Variants in ADGRF5 observed in about 807,000 individuals in gnomAD.
ADGRF5 encodes the protein G-protein coupled receptor 116.
In ADGRF5, 75 loss-of-function variants were observed where a neutral mutation model predicts 132.3. The observed-to-expected ratio is 0.57, with a 90% confidence interval of 0.47 to 0.69. The LOEUF is 0.69. ADGRF5 is among the 30% of genes least tolerant of loss of function. ADGRF5 has a pLI of 0.00. For missense variants in ADGRF5, 1,516 were observed against 1,630.6 expected, an observed-to-expected ratio of 0.93 and a Z score of 1.21; for synonymous variants, 629 against 597.6, an observed-to-expected ratio of 1.05 and a Z score of -0.77.
chr6:46,949,608 A>G (rs1199830001), intron 1 of ADGRF5, among the ~76,000 whole-genome samples: 1 of 152,190 alleles, frequency 6.6e-6, no homozygotes, highest in African/African-American at 2.4e-5. Flanking sequence ...AACTTAGAAG[A>G]TGGTAGAATC....
chr6:46,921,813 C>G lies in ADGRF5; in HGVS notation c.-125G>C, dbSNP rs1376429882. On this transcript the variant is annotated 5_prime_UTR_variant, in exon 1 of 21. Transcript: ENST00000283296. Reference sequence around the variant, plus strand: ...GGCCATTTGTCCTGGGCCTCCTGGGCAGGGGCTCTCACGCCCAGTGGAGGG... The same window carrying G: ...GGCCATTTGTCCTGGGCCTCCTGGGGAGGGGCTCTCACGCCCAGTGGAGGG... 1 of 152,424 alleles carries G rather than the reference C, an allele frequency of 6.6e-6. No homozygotes were observed. Among genetic ancestry groups the G allele is most frequent in the Non-Finnish European group, 1.5e-5 (1 of 68,222 alleles). 9.4% of individuals were successfully genotyped at this position (152,424 alleles called of 1,614,324 possible).
rs67565937 is a variant in ADGRF5, at chr6:46,862,703, C to CTTTTTTTTTTTTTTTTTTTTTTTTTTTT, written c.2199+184_2199+185insAAAAAAAAAAAAAAAAAAAAAAAAAAAA. On this transcript the variant is annotated intron_variant, in intron 15 of 20. Coordinates refer to ENST00000283296, the MANE Select transcript of ADGRF5 (RefSeq NM_001098518.2). Reference sequence around the variant, plus strand: ...AGTTGTCTTAGTATTTGAATTGAGGCTTTTTTTTTTTTTTTTTTTTTTTTT... The same window carrying CTTTTTTTTTTTTTTTTTTTTTTTTTTTT: ...AGTTGTCTTAGTATTTGAATTGAGGCTTTTTTTTTTTTTTTTTTTTTTTTTTTTTTTTTTTTTTTTTTTTTTTTTTTTT... 2.6e-4 allele frequency among the ~76,000 whole-genome samples: 7 copies of CTTTTTTTTTTTTTTTTTTTTTTTTTTTT among 26,508 alleles called. 1 individual carries two copies. Among genetic ancestry groups the CTTTTTTTTTTTTTTTTTTTTTTTTTTTT allele is most frequent in the Admixed American group, 8.7e-4 (1 of 1,156 alleles). The allele number at this position is 26,508 out of a possible 152,430, so 17.4% of individuals were successfully genotyped here. A position where few individuals can be genotyped will look rare whatever the true frequency, so the allele number is the denominator to read the frequency against.
intron 14 of ADGRF5, 97 bp from the exon 15 acceptor site, chr6:46,863,193 C>T: frequency 1.1e-6 from 1 of 918,982 alleles, no homozygotes; most frequent in Non-Finnish European, 1.8e-6. Flanking sequence ...TGTTTGAATT[C>T]ACATTTACCT....
At chr6:46,891,617 C>T (rs1562200765) in intron 3 of ADGRF5, among the ~76,000 whole-genome samples, 1 of 152,152 alleles carries the variant, frequency 6.6e-6, no homozygotes, top group South Asian at 2.1e-4. Flanking sequence ...AGGACCTGAT[C>T]CCACAAAATA....
intron 11 of ADGRF5, 44 bp downstream of exon 11, chr6:46,871,799 G>A: frequency 7.3e-7 from 1 of 1,361,356 alleles, no homozygotes; most frequent in Non-Finnish European, 1.0e-6. Context: ...ACTTATTTAA[G>A]GTGGAACCTA....
Position 46,853,859 on chromosome 6 carries a change from A to T in ADGRF5, c.*133T>A. The T allele has an allele frequency of 1.6e-6, 1 of 638,484 alleles. No homozygotes were observed. Among genetic ancestry groups the T allele is most frequent in the Admixed American group, 3.0e-5 (1 of 33,284 alleles). The allele number at this position is 638,484 out of a possible 1,614,324, so 39.6% of individuals were successfully genotyped here. On this transcript the variant is annotated 3_prime_UTR_variant, in exon 21 of 21. Transcript: ENST00000283296. ...CTTTACAAAAGAAAGCCTCTTCTCT[A>T]TGAAAAAGTCTTTTTGGCATCTGCT...
chr6:46,953,320 C>T lies in ADGRF5; in HGVS notation c.-25+1414G>A, dbSNP rs115973073. On this transcript the variant is annotated intron_variant, in intron 1 of 20. Coordinates refer to the ADGRF5 transcript ENST00000265417. ...TAGCAAGGCTGTAAGCAACAGAGTG[C>T]AATAGAAATATTTCACTGAGGTCGG... Among the ~76,000 whole-genome samples, 673 of 152,164 alleles carry T rather than the reference C, an allele frequency of 4.4e-3. 7 individuals are homozygous for T. The highest frequency in any genetic ancestry group is 0.016 in the African/African-American group (655 of 41,526).
At chr6:46,934,971 T>C (rs1330337262) in intron 1 of ADGRF5, among the ~76,000 whole-genome samples, 1 of 151,186 alleles carries the variant, frequency 6.6e-6, no homozygotes, top group African/African-American at 2.4e-5. Flanking sequence ...TGATGTTGTT[T>C]GGGATCACCA....
intron 1 of ADGRF5, among the ~76,000 whole-genome samples, chr6:46,915,845 G>C (rs1456558895): frequency 6.6e-6 from 1 of 151,524 alleles, no homozygotes; most frequent in Non-Finnish European, 1.5e-5. Flanking sequence ...AAAGTATTCT[G>C]TAGAGGCAAA....
chr6:46,877,424 T>C (rs1019986765), intron 10 of ADGRF5, among the ~76,000 whole-genome samples: 37 of 150,898 alleles, frequency 2.5e-4, no homozygotes, highest in African/African-American at 6.1e-4. Context: ...CTTGGATAAG[T>C]CATATAATCT....
chr6:46,931,026 G>C (rs1056930206), intron 1 of ADGRF5, among the ~76,000 whole-genome samples: 1 of 152,078 alleles, frequency 6.6e-6, no homozygotes, highest in African/African-American at 2.4e-5. Flanking sequence ...TGCACCCCAG[G>C]CTGGGCAACA....
At chr6:46,854,990 C>T (rs1768876975) in intron 20 of ADGRF5, among the ~76,000 whole-genome samples, 1 of 152,182 alleles carries the variant, frequency 6.6e-6, no homozygotes, top group Non-Finnish European at 1.5e-5. Flanking sequence ...AATATTGATG[C>T]ATTTCTCAAC....
chr6:46,921,315 AG>A lies in ADGRF5; in HGVS notation c.-25+397del, dbSNP rs552700336. On this transcript the variant is annotated intron_variant, in intron 1 of 20. Coordinates refer to ENST00000283296, the MANE Select transcript of ADGRF5 (RefSeq NM_001098518.2). The stretch of plus-strand genomic sequence containing the variant: ...CCTCTTCCTTCCTCAGCCTGACCAC[AG>A]CAATGGCCGACTGGCCCTGAAATGC... 1.5e-3 allele frequency among the ~76,000 whole-genome samples: 221 copies of A among 152,330 alleles called. 1 individual carries two copies. The highest frequency in any genetic ancestry group is 5.1e-3 in the African/African-American group (213 of 41,572).
In ADGRF5 at chr6:46,883,665, T is replaced by A. The variant is rs753686606; in HGVS notation, c.506A>T (p.Asp169Val). The change falls in exon 6 of 21, where the codon GAT becomes GTT. Residue 169 changes from aspartate to valine, a missense_variant and splice_region_variant. Asp to Val is a radical substitution (Grantham distance 152). Transcript: ENST00000283296. ...TCTGACTCTCATGTTCAGGGTAACA[T>A]CTGTTGAAAAACACAGGGCAATATT... ...PNGPFCLLQEDVTLNMRVRLN... is the reference protein window; with the variant it reads ...PNGPFCLLQEVVTLNMRVRLN... The A allele has an allele frequency of 6.5e-7, 1 of 1,528,328 alleles. No homozygotes were observed. The highest frequency in any genetic ancestry group is 8.9e-7 in the Non-Finnish European group (1 of 1,118,896). The allele number at this position is 1,528,328 out of a possible 1,614,324, so 94.7% of individuals were successfully genotyped here. A position where few individuals can be genotyped will look rare whatever the true frequency, so the allele number is the denominator to read the frequency against.
At chr6:46,928,238 GTTT>G (rs1777354669) in intron 1 of ADGRF5, among the ~76,000 whole-genome samples, 3 of 152,128 alleles carry the variant, frequency 2.0e-5, no homozygotes, top group Admixed American at 2.0e-4. Context: ...TCCTAAGGAT[GTTT>G]ATATTCTCCT....
At position 46,879,862 on chromosome 6, in the gene ADGRF5, G is replaced by T; in HGVS notation, c.992C>A (p.Ser331Ter). The change falls in exon 9 of 21, where the codon TCG becomes TAG. Residue 331 changes from serine to a stop codon, truncating the protein, a stop_gained. Coordinates refer to ENST00000283296, the MANE Select transcript of ADGRF5 (RefSeq NM_001098518.2). LOFTEE classifies it high-confidence loss of function. ...GTTGTGGATGGTGAGCTTGGACACC[G>T]AAGTCATGTTGTTGAAAAGTGCGGT... is the stretch of plus-strand genomic sequence containing the variant. The part of the protein sequence containing the change: ...IYTALFNNMT[S>*]VSKLTIHNIT... The T allele has an allele frequency of 6.2e-7, 1 of 1,614,030 alleles. No individual in the cohort carries two copies. Among genetic ancestry groups the T allele is most frequent in the Non-Finnish European group, 8.5e-7 (1 of 1,179,912 alleles).
At chr6:46,937,247 T>TGTGA in intron 1 of ADGRF5, among the ~76,000 whole-genome samples, 2 of 151,786 alleles carry the variant, frequency 1.3e-5, no homozygotes, top group Non-Finnish European at 2.9e-5. Context: ...TGTGTGTGTG[T>TGTGA]GTGTGAGTGT....
At position 46,860,837 on chromosome 6, in the gene ADGRF5, A is replaced by C; in HGVS notation, c.2257T>G (p.Ser753Ala). Reference protein sequence around the residue: ...EMLPTYLKDLSISIDKAEHEI... With the variant: ...EMLPTYLKDLAISIDKAEHEI... The stretch of plus-strand genomic sequence containing the variant: ...TGTTCCGCTTTGTCTATGCTAATAG[A>C]AAGATCCTTCAGGTATGTAGGGAGC... Residue 753 changes from serine to alanine, a missense_variant, in exon 16 of 21, where the codon TCT (serine) becomes GCT (alanine). Ser to Ala is a moderately conservative substitution (Grantham distance 99). Transcript: ENST00000283296. 6.2e-7 allele frequency: 1 copy of C among 1,613,954 alleles called. No individual in the cohort carries two copies. The highest frequency in any genetic ancestry group is 8.5e-7 in the Non-Finnish European group (1 of 1,179,832).
chr6:46,883,491 T>C, intron 6 of ADGRF5, 68 bp downstream of exon 6: 2 of 757,590 alleles, frequency 2.6e-6, no homozygotes, highest in Non-Finnish European at 4.6e-6. Context: ...ATGTTCATTG[T>C]GAATGCAATA....
Sources: allele counts gnomAD v4.1 joint callset (sites outside exome capture counted in the v4.1 genomes callset), GRCh38; gene constraint gnomAD v4.1.1; transcripts MANE v1.5; gene names NCBI Gene and HGNC (gene_info 2026-07-23, HGNC 2026-07-21).